DEPDC5: variants seen among roughly 807,000 people sequenced by gnomAD.
DEPDC5 encodes the protein GATOR1 complex protein DEPDC5.
A neutral mutation model predicts 217.3 loss-of-function variants in DEPDC5; 73 were observed. The observed-to-expected ratio is 0.34, with a 90% CI of 0.28 to 0.41. The LOEUF (loss-of-function observed/expected upper bound fraction) is 0.41, where lower values mean the gene tolerates loss of function less well. DEPDC5 is among the 10% of genes least tolerant of loss of function. The pLI is 1.00. For synonymous variants in DEPDC5, 733 were observed against 756.7 expected (o/e 0.97, Z 0.51); for missense variants, 1,675 against 2,070.1 (o/e 0.81, Z 3.70).
intron 26 of DEPDC5, among the ~76,000 whole-genome samples, chr22:31,838,442 G>T (rs1243666134): frequency 3.3e-5 from 5 of 151,838 alleles, no homozygotes; most frequent in Non-Finnish European, 5.9e-5. Context: ...ACAGGGTTTT[G>T]CCATGTTGCC....
chr22:31,757,983 T>G (rs1461640679), intron 2 of DEPDC5, among the ~76,000 whole-genome samples: 1 of 152,086 alleles, frequency 6.6e-6, no homozygotes, highest in Admixed American at 6.6e-5. Context: ...AGGCTGGTCT[T>G]GAACTCCTGA....
In DEPDC5 at chr22:31,804,121, C is replaced by A. The variant is rs1364738960; in HGVS notation, c.1082-41C>A. The A allele has an allele frequency of 3.1e-6, 5 of 1,596,984 alleles. No individual in the cohort carries two copies. In the Admixed American group the frequency reaches 6.7e-5, roughly 21 times the overall value. The stretch of plus-strand genomic sequence containing the variant: ...TATAGATAGGGACACTTGTCTCTGC[C>A]ATTCCCTCCCCACAATTCTTTTTGT... On this transcript the variant is annotated intron_variant, in intron 15 of 42. Coordinates refer to ENST00000651528, the MANE Select transcript of DEPDC5 (RefSeq NM_001242896.3).
intron 14 of DEPDC5, among the ~76,000 whole-genome samples, chr22:31,799,817 T>G (rs1456659939): frequency 7.2e-6 from 1 of 138,222 alleles, no homozygotes; most frequent in Non-Finnish European, 1.6e-5. Flanking sequence ...TTTTTTTTTT[T>G]TTTTTTTTTG....
chr22:31,878,583 C>T (rs575191504), intron 37 of DEPDC5, among the ~76,000 whole-genome samples: 21 of 151,328 alleles, frequency 1.4e-4, no homozygotes, highest in African/African-American at 5.1e-4. Flanking sequence ...TGTGGTTGTA[C>T]ATGCTGGTCT....
intron 38 of DEPDC5, among the ~76,000 whole-genome samples, chr22:31,889,881 C>T (rs1418411443): frequency 2.0e-5 from 3 of 152,112 alleles, no homozygotes; most frequent in Admixed American, 2.0e-4. Flanking sequence ...GAATCCATAA[C>T]ATGAAGCAGA....
intron 7 of DEPDC5, among the ~76,000 whole-genome samples, chr22:31,775,017 A>G (rs2083694813): frequency 6.6e-6 from 1 of 152,118 alleles, no homozygotes; most frequent in Non-Finnish European, 1.5e-5. Flanking sequence ...GGAGTATGAA[A>G]AAGCATCCCA....
chr22:31,802,138 T>TC (rs1250682977), intron 14 of DEPDC5, among the ~76,000 whole-genome samples: 3 of 146,570 alleles, frequency 2.0e-5, no homozygotes, highest in Non-Finnish European at 4.5e-5. Context: ...TTTTTTTTTT[T>TC]TTTTTTTTTT....
chr22:31,763,618 ATT>A (rs769050411), intron 4 of DEPDC5, among the ~76,000 whole-genome samples: 1 of 143,826 alleles, frequency 7.0e-6, no homozygotes, highest in Non-Finnish European at 1.5e-5. Flanking sequence ...TGCCTGGCTA[ATT>A]TTTTTTTTTT....
Position 31,906,591 on chromosome 22 carries a change from C to A in DEPDC5, c.*94C>A. The A allele has an allele frequency of 6.8e-7, 1 of 1,465,954 alleles. No individual in the cohort carries two copies. Among genetic ancestry groups the A allele is most frequent in the African/African-American group, 1.4e-5 (1 of 71,496 alleles). 90.8% of individuals were successfully genotyped at this position (1,465,954 alleles called of 1,614,324 possible). ...CAGGCAGGCTCTAGGAGTCAGGTGTCCGTTTGCTGCTATCAGTGAGTGGGG... is the reference window on the plus strand; with the variant it reads ...CAGGCAGGCTCTAGGAGTCAGGTGTACGTTTGCTGCTATCAGTGAGTGGGG... On this transcript the variant is annotated 3_prime_UTR_variant, in exon 43 of 43. Transcript: ENST00000651528. The surrounding 1 kb of genome is among the most constrained non-coding windows in gnomAD (Gnocchi z 5.1).
At chr22:31,781,805 G>T (rs571276454) in intron 8 of DEPDC5, among the ~76,000 whole-genome samples, 79 of 152,200 alleles carry the variant, frequency 5.2e-4, no homozygotes, top group Admixed American at 9.8e-4. Context: ...AGGCCGAGGT[G>T]GGGGGGATTG....
chr22:31,889,420 A>G (rs888509170), intron 38 of DEPDC5, among the ~76,000 whole-genome samples: 1 of 152,222 alleles, frequency 6.6e-6, no homozygotes, highest in Non-Finnish European at 1.5e-5. Flanking sequence ...TTAACATGCC[A>G]GATGGGAGAG....
rs765003544 is a variant in DEPDC5 at position 31,810,586 on chromosome 22, G to C, written c.1390G>C (p.Ala464Pro). Residue 464 changes from alanine to proline, a missense_variant, in exon 20 of 43, where the codon GCT (alanine) becomes CCT (proline). Transcript: ENST00000651528. Reference protein sequence around the residue: ...PIQVDYDAYDAQVFRLPGPSR... With the variant: ...PIQVDYDAYDPQVFRLPGPSR... ...CCAAGTAGATTATGACGCCTATGAC[G>C]CTCAAGTGTTCAGGCTGCCCGGCCC... The C allele has an allele frequency of 6.2e-7, 1 of 1,614,130 alleles. No individual in the cohort carries two copies. Among genetic ancestry groups the C allele is most frequent in the Non-Finnish European group, 8.5e-7 (1 of 1,180,024 alleles).
At chr22:31,852,404 G>A (rs1480996972) in intron 31 of DEPDC5, among the ~76,000 whole-genome samples, 1 of 146,760 alleles carries the variant, frequency 6.8e-6, no homozygotes, top group African/African-American at 2.5e-5. Flanking sequence ...GCAATGGCAC[G>A]ATCTTGGCTC....
At chr22:31,795,055 A>T (rs538950032) in intron 12 of DEPDC5, among the ~76,000 whole-genome samples, 1 of 149,496 alleles carries the variant, frequency 6.7e-6, no homozygotes, top group East Asian at 2.0e-4. Context: ...GTGATCACAC[A>T]TTCCATGTGA....
At chr22:31,843,420 G>T (rs956866123) in intron 28 of DEPDC5, among the ~76,000 whole-genome samples, 3 of 152,130 alleles carry the variant, frequency 2.0e-5, no homozygotes, top group Admixed American at 1.3e-4. Flanking sequence ...TGTTTAGCAT[G>T]ATTCATGACA....
intron 38 of DEPDC5, among the ~76,000 whole-genome samples, chr22:31,881,483 T>C (rs1363147428): frequency 6.6e-6 from 1 of 152,016 alleles, no homozygotes. Context: ...TTTCTAACTG[T>C]CTACTTCCTT....
chr22:31,898,645 A>T (rs2093595924), intron 40 of DEPDC5, among the ~76,000 whole-genome samples: 1 of 152,238 alleles, frequency 6.6e-6, no homozygotes, highest in Non-Finnish European at 1.5e-5. Flanking sequence ...GGATTAGGCC[A>T]AGCAAAGTAT....
chr22:31,873,977 G>C, intron 35 of DEPDC5: 1 of 298,294 alleles, frequency 3.4e-6, no homozygotes. Flanking sequence ...ATTTTTAGTA[G>C]AGACGGGGTT....
intron 38 of DEPDC5, among the ~76,000 whole-genome samples, chr22:31,889,925 T>G (rs1385161423): frequency 1.3e-5 from 2 of 152,172 alleles, no homozygotes; most frequent in African/African-American, 4.8e-5. Context: ...CTTTTAGCAT[T>G]GGAGTGACCA....
Sources: gnomAD v4.1 joint callset for allele counts (sites outside exome capture counted in the v4.1 genomes callset) on GRCh38, gnomAD v4.1.1 for gene constraint, Gnocchi (gnomAD v3.1) non-coding constraint, MANE v1.5 for transcripts, NCBI Gene and HGNC (gene_info 2026-07-23, HGNC 2026-07-21) for gene names.